GSG1L: variants seen among roughly 807,000 people sequenced by gnomAD.
The protein encoded by GSG1L is GSG1 like.
A neutral mutation model predicts 42.1 loss-of-function variants in GSG1L; 24 were observed. The observed-to-expected ratio is 0.57, with a 90% CI of 0.41 to 0.80. The LOEUF is 0.80. GSG1L is among the 30% of genes least tolerant of loss of function. GSG1L has a pLI of 0.00. For missense variants in GSG1L, 445 were observed against 472.2 expected (o/e 0.94, Z 0.53); for synonymous variants, 215 against 203.5 (o/e 1.06, Z -0.48).
intron 1 of GSG1L, among the ~76,000 whole-genome samples, chr16:28,037,699 T>G (rs1274306209): frequency 1.3e-5 from 2 of 152,388 alleles, no homozygotes; most frequent in East Asian, 3.9e-4. Flanking sequence ...GTATCTTTAC[T>G]ATGAGCCAAT....
At chr16:27,947,762 A>T (rs932622686) in intron 2 of GSG1L, among the ~76,000 whole-genome samples, 7 of 152,198 alleles carry the variant, frequency 4.6e-5, no homozygotes, top group Non-Finnish European at 8.8e-5. Flanking sequence ...TGCAGGAGGC[A>T]TACTTCATAT....
At chr16:28,044,213 C>T (rs904261104) in intron 1 of GSG1L, among the ~76,000 whole-genome samples, 13 of 150,300 alleles carry the variant, frequency 8.6e-5, no homozygotes, top group Non-Finnish European at 1.3e-4. Flanking sequence ...CCCATCTCTA[C>T]TAAAGTCACA....
intron 1 of GSG1L, among the ~76,000 whole-genome samples, chr16:28,044,033 C>CA (rs113923995): frequency 0.02 from 2,943 of 150,884 alleles, 56 homozygotes; most frequent in African/African-American, 0.054. Flanking sequence ...AAAAAACAAA[C>CA]AAAAAAAAAC....
rs183760524 is a variant in GSG1L, at chr16:27,923,112, T to C, written c.398-38474A>G. ...TTTTCCTTTAAACATACTATTTGCA[T>C]GAACTGATTTGACAAATTGAACTGG... On this transcript the variant is annotated intron_variant, in intron 2 of 6. Coordinates refer to ENST00000447459, the MANE Select transcript of GSG1L (RefSeq NM_001109763.2). 3.7e-4 allele frequency among the ~76,000 whole-genome samples: 56 copies of C among 152,282 alleles called. 1 individual carries two copies. In the East Asian group the frequency reaches 7.3e-3, roughly 20 times the overall value.
intron 1 of GSG1L, among the ~76,000 whole-genome samples, chr16:27,997,750 ATTGT>A (rs909999259): frequency 6.6e-6 from 1 of 151,522 alleles, no homozygotes; most frequent in African/African-American, 2.4e-5. Context: ...ACATGGATGA[ATTGT>A]GTAGCAGTGA....
At chr16:27,857,925 C>T (rs942130172) in intron 3 of GSG1L, among the ~76,000 whole-genome samples, 11 of 152,088 alleles carry the variant, frequency 7.2e-5, no homozygotes, top group East Asian at 1.9e-4. Context: ...ACACCTGTGA[C>T]GGGTCTACAC....
chr16:27,984,131 G>A (rs931290368), intron 1 of GSG1L, among the ~76,000 whole-genome samples: 2 of 152,050 alleles, frequency 1.3e-5, no homozygotes, highest in African/African-American at 4.8e-5. Flanking sequence ...AGGTCGGTGC[G>A]GGAATCCACT....
Position 27,844,993 on chromosome 16 carries a change from C to G in GSG1L, c.619G>C (p.Glu207Gln). ...TCCCAGGAATGGGGTCTCCAGTCCT[C>G]AGGACCGAGGCTCACGGTGACCTGG... The part of the protein sequence containing the change: ...VFQVTVSLGP[E>Q]DWRPHSWDYG... Residue 207 changes from glutamate to glutamine, a missense_variant, in exon 4 of 7, where the codon GAG becomes CAG. Physicochemically the swap from Glu to Gln is conservative, Grantham distance 29. This residue lies in a region of GSG1L where 149 missense variants were observed against 223.3 expected (regional missense o/e 0.67). Transcript: ENST00000447459. 4.3e-6 allele frequency: 7 copies of G among 1,613,898 alleles called. No individual in the cohort carries two copies. The highest frequency in any genetic ancestry group is 5.9e-6 in the Non-Finnish European group (7 of 1,179,858).
intron 3 of GSG1L, among the ~76,000 whole-genome samples, chr16:27,872,316 G>A: frequency 6.6e-6 from 1 of 152,214 alleles, no homozygotes; most frequent in East Asian, 1.9e-4. Context: ...ACCAGAAGGG[G>A]CCGTATGGAC....
rs2141108113 is a variant in GSG1L, at chr16:27,963,206, T to G, written c.350-3A>C. On this transcript the variant is annotated splice_polypyrimidine_tract_variant and splice_region_variant and intron_variant, in intron 1 of 6. Coordinates refer to ENST00000447459, the MANE Select transcript of GSG1L (RefSeq NM_001109763.2). ...AATGAAGCTGCGACATTTTTCACCT[T>G]TGAAAAGAAGAGAAGCGTTTTCAGA... 6.2e-7 allele frequency: 1 copy of G among 1,613,752 alleles called. No homozygotes were observed. The highest frequency in any genetic ancestry group is 2.2e-5 in the East Asian group (1 of 44,878).
At chr16:27,833,102 C>T (rs927811678) in intron 4 of GSG1L, among the ~76,000 whole-genome samples, 7 of 152,112 alleles carry the variant, frequency 4.6e-5, no homozygotes, top group African/African-American at 1.2e-4. Flanking sequence ...ATACTTAAAT[C>T]TGTGATCCAT....
intron 3 of GSG1L, among the ~76,000 whole-genome samples, chr16:27,848,297 C>T (rs535349289): frequency 2.0e-5 from 3 of 152,272 alleles, no homozygotes; most frequent in Admixed American, 6.5e-5. Context: ...ACACAGTAGG[C>T]ATTCAATAAG....
At chr16:27,907,630 G>A (rs2084335256) in intron 2 of GSG1L, among the ~76,000 whole-genome samples, 1 of 152,234 alleles carries the variant, frequency 6.6e-6, no homozygotes, top group African/African-American at 2.4e-5. Flanking sequence ...GAGCTGCTCT[G>A]TCCATTCCAG....
chr16:27,828,982 C>T, intron 4 of GSG1L, 26 bp from the exon 5 acceptor site: 3 of 1,610,020 alleles, frequency 1.9e-6, no homozygotes, highest in Admixed American at 3.3e-5. Flanking sequence ...GAGAGAGATG[C>T]CATCGTGAGG....
At chr16:27,899,001 A>G (rs1327751098) in intron 2 of GSG1L, among the ~76,000 whole-genome samples, 1 of 152,176 alleles carries the variant, frequency 6.6e-6, no homozygotes, top group Non-Finnish European at 1.5e-5. Flanking sequence ...GCTACAGCCC[A>G]GGGAACCAGC....
At chr16:27,975,627 G>A (rs577705384) in intron 1 of GSG1L, among the ~76,000 whole-genome samples, 18 of 152,242 alleles carry the variant, frequency 1.2e-4, no homozygotes, top group South Asian at 4.1e-4. Context: ...TGGAGGCTGC[G>A]TACCCTGAAA....
intron 2 of GSG1L, among the ~76,000 whole-genome samples, chr16:27,945,116 G>C (rs145801028): frequency 4.7e-4 from 70 of 150,040 alleles, no homozygotes; most frequent in African/African-American, 1.7e-3. Context: ...GTTTGCCTCC[G>C]TCTCTTGGAG....
intron 2 of GSG1L, among the ~76,000 whole-genome samples, chr16:27,959,562 G>A (rs2085045437): frequency 6.6e-6 from 1 of 151,186 alleles, no homozygotes; most frequent in South Asian, 2.1e-4. Flanking sequence ...GGGAAAGAGA[G>A]AAAGGGCAGA....
intron 2 of GSG1L, among the ~76,000 whole-genome samples, chr16:27,940,788 G>T (rs1320300003): frequency 3.3e-5 from 5 of 150,372 alleles, no homozygotes; most frequent in African/African-American, 7.4e-5. Context: ...CACCAGCATG[G>T]CACATGTATG....
Sources: allele counts gnomAD v4.1 joint callset (sites outside exome capture counted in the v4.1 genomes callset), GRCh38; gene constraint gnomAD v4.1.1; regional missense constraint gnomAD v4.1.1; transcripts MANE v1.5; gene names NCBI Gene and HGNC (gene_info 2026-07-23, HGNC 2026-07-21).